The following SLC35F1 variants were observed in gnomAD, a reference collection of about 807,000 sequenced individuals.
SLC35F1 encodes solute carrier family 35 member F1.
Under a neutral mutation model 48.7 loss-of-function variants are expected in SLC35F1, and 14 were observed. The observed-to-expected ratio is 0.29, with a 90% CI of 0.19 to 0.45. SLC35F1 has a LOEUF of 0.45. Ranked by LOEUF, SLC35F1 falls within the 20% of genes least tolerant of loss-of-function variation. The pLI is 1.00. For synonymous variants in SLC35F1, 190 were observed against 202.2 expected, an observed-to-expected ratio of 0.94 and a Z score of 0.51; for missense variants, 404 against 500.0, an observed-to-expected ratio of 0.81 and a Z score of 1.83.
At position 117,953,628 on chromosome 6, in the gene SLC35F1, C is replaced by T. The variant is rs75270116; in HGVS notation, c.173+45729C>T. 1.2e-4 allele frequency among the ~76,000 whole-genome samples: 19 copies of T among 152,264 alleles called. No homozygotes were observed. The East Asian group carries it at 3.7e-3, about 29-fold the overall frequency. Reference sequence around the variant, plus strand: ...TCACCCAGTGTAAAAGTTGTTGTTTCCCATCTGTGGGTCAGCCAGGGACCA... The same window carrying T: ...TCACCCAGTGTAAAAGTTGTTGTTTTCCATCTGTGGGTCAGCCAGGGACCA... On this transcript the variant is annotated intron_variant, in intron 1 of 7. Coordinates refer to ENST00000360388, the MANE Select transcript of SLC35F1 (RefSeq NM_001029858.4).
chr6:117,921,545 A>G (rs1232109760), intron 1 of SLC35F1, among the ~76,000 whole-genome samples: 2 of 152,106 alleles, frequency 1.3e-5, no homozygotes, highest in Non-Finnish European at 2.9e-5. Flanking sequence ...CTTCCCATCT[A>G]TTTCCTGCCC....
rs566897352 is a variant in SLC35F1 at position 118,255,487 on chromosome 6, C to T, written c.478-11508C>T. On this transcript the variant is annotated intron_variant, in intron 3 of 7. Coordinates refer to ENST00000360388, the MANE Select transcript of SLC35F1 (RefSeq NM_001029858.4). ...TCTGCTCTCACCGAAGGCAGATTTCCCCGCAACTGAGCTAGAGAGCTTGTG... is the reference window on the plus strand; with the variant it reads ...TCTGCTCTCACCGAAGGCAGATTTCTCCGCAACTGAGCTAGAGAGCTTGTG... Among the ~76,000 whole-genome samples, 6 of 152,276 alleles carry T rather than the reference C, an allele frequency of 3.9e-5. No individual in the cohort carries two copies. In the East Asian group the frequency reaches 1.2e-3, roughly 29 times the overall value.
intron 3 of SLC35F1, among the ~76,000 whole-genome samples, chr6:118,251,294 G>A (rs1775571640): frequency 6.6e-6 from 1 of 152,040 alleles, no homozygotes; most frequent in Admixed American, 6.6e-5. Context: ...CTTCAGCATT[G>A]AGTTTGTGGT....
At chr6:118,010,961 G>A (rs1204708156) in intron 1 of SLC35F1, among the ~76,000 whole-genome samples, 1 of 152,144 alleles carries the variant, frequency 6.6e-6, no homozygotes, top group African/African-American at 2.4e-5. Flanking sequence ...GGGAACATTT[G>A]GCAATATTTG....
At chr6:117,954,609 T>G (rs2114830123) in intron 1 of SLC35F1, among the ~76,000 whole-genome samples, 1 of 152,330 alleles carries the variant, frequency 6.6e-6, no homozygotes, top group Non-Finnish European at 1.5e-5. Context: ...AATCTAGACC[T>G]ACAGAATTAA....
In SLC35F1 at chr6:118,275,566, T is replaced by C; in HGVS notation, c.745T>C (p.Phe249Leu). 6.2e-7 allele frequency: 1 copy of C among 1,613,940 alleles called. No homozygotes were observed. Among genetic ancestry groups the C allele is most frequent in the East Asian group, 2.2e-5 (1 of 44,828 alleles). The change falls in exon 5 of 8, where the codon TTC becomes CTC. Residue 249 changes from phenylalanine (F) to leucine (L), a missense_variant. Transcript: ENST00000360388. ...YIIRTLSRVE[F>L]LGMIGLFGAF... ...CATCCGAACTCTGAGCCGAGTGGAATTCCTGGGAATGATTGGTCTCTTTGG... is the reference window on the plus strand; with the variant it reads ...CATCCGAACTCTGAGCCGAGTGGAACTCCTGGGAATGATTGGTCTCTTTGG...
At chr6:118,083,176 G>A (rs1772937523) in intron 1 of SLC35F1, among the ~76,000 whole-genome samples, 1 of 152,184 alleles carries the variant, frequency 6.6e-6, no homozygotes, top group Non-Finnish European at 1.5e-5. Context: ...TTATCTGGCT[G>A]TGTGTTTCTA....
chr6:117,993,363 C>T (rs1004286647), intron 1 of SLC35F1, among the ~76,000 whole-genome samples: 1 of 152,098 alleles, frequency 6.6e-6, no homozygotes, highest in African/African-American at 2.4e-5. Context: ...AAATTATAGT[C>T]ATTCCTTTAG....
intron 7 of SLC35F1, among the ~76,000 whole-genome samples, chr6:118,299,942 T>C (rs907500756): frequency 6.6e-6 from 1 of 152,152 alleles, no homozygotes; most frequent in Non-Finnish European, 1.5e-5. Context: ...TAATAGTACT[T>C]CTCTCATTAA....
chr6:118,014,417 G>A (rs1311324568), intron 1 of SLC35F1, among the ~76,000 whole-genome samples: 1 of 152,122 alleles, frequency 6.6e-6, no homozygotes, highest in East Asian at 1.9e-4. Flanking sequence ...AATCCACAAA[G>A]GATGCTAGGA....
Position 117,939,426 on chromosome 6 carries a change from G to A in SLC35F1, c.173+31527G>A, listed in dbSNP as rs2763008. Among the ~76,000 whole-genome samples, 871 of 152,246 alleles carry A rather than the reference G, an allele frequency of 5.7e-3. 8 individuals carry two copies. Among genetic ancestry groups the A allele is most frequent in the African/African-American group, 0.02 (810 of 41,532 alleles). ...AGTTTTGCATTTATTTATTTTCCTC[G>A]GGTTCTTGCCCTTCCTCTGATACTT... On this transcript the variant is annotated intron_variant, in intron 1 of 7. Coordinates refer to ENST00000360388, the MANE Select transcript of SLC35F1 (RefSeq NM_001029858.4).
At position 117,999,477 on chromosome 6, in the gene SLC35F1, A is replaced by T. The variant is rs1777054549; in HGVS notation, c.173+91578A>T. On this transcript the variant is annotated intron_variant, in intron 1 of 7. Transcript: ENST00000360388. ...TCTCTGCCAACATGAGGACAGAAGG[A>T]CTGGTGCGACCCCCCACCCCCACCC... The T allele has an allele frequency of 2.0e-6, 3 of 1,517,324 alleles. No individual in the cohort carries two copies. The South Asian group carries it at 3.7e-5, about 18-fold the overall frequency. The allele number at this position is 1,517,324 out of a possible 1,614,324, so 94.0% of individuals were successfully genotyped here.
intron 1 of SLC35F1, among the ~76,000 whole-genome samples, chr6:118,152,134 G>A (rs896134020): frequency 5.9e-5 from 9 of 152,310 alleles, no homozygotes; most frequent in Non-Finnish European, 1.2e-4. Flanking sequence ...CTCAAAGGGA[G>A]TGACATAGAA....
intron 1 of SLC35F1, among the ~76,000 whole-genome samples, chr6:117,916,613 C>T (rs1775829198): frequency 6.6e-6 from 1 of 152,212 alleles, no homozygotes; most frequent in African/African-American, 2.4e-5. Context: ...GCTGGGGCAC[C>T]TTGCCTGAAA....
intron 2 of SLC35F1, among the ~76,000 whole-genome samples, chr6:118,184,885 C>T (rs1156545581): frequency 1.3e-5 from 2 of 152,126 alleles, no homozygotes; most frequent in African/African-American, 4.8e-5. Flanking sequence ...GGCCATGATT[C>T]CAAAATCTTT....
At chr6:118,047,862 A>T (rs12192479) in intron 1 of SLC35F1, among the ~76,000 whole-genome samples, 37,234 of 151,692 alleles carry the variant, frequency 0.25, 4,681 homozygotes, top group East Asian at 0.35. Flanking sequence ...TCCTAATTGA[A>T]TACCCTTTAT....
At chr6:118,139,917 T>A (rs547966116) in intron 1 of SLC35F1, among the ~76,000 whole-genome samples, 1 of 152,198 alleles carries the variant, frequency 6.6e-6, no homozygotes, top group Non-Finnish European at 1.5e-5. Context: ...CTAGAAAATA[T>A]ACTTTAGCAC....
chr6:117,943,559 A>G (rs895461706), intron 1 of SLC35F1, among the ~76,000 whole-genome samples: 16 of 152,250 alleles, frequency 1.1e-4, no homozygotes, highest in African/African-American at 3.9e-4. Context: ...CTTTAAGAAT[A>G]CATCAGTAGG....
At chr6:118,263,346 G>A (rs932397724) in intron 3 of SLC35F1, among the ~76,000 whole-genome samples, 4 of 152,148 alleles carry the variant, frequency 2.6e-5, no homozygotes, top group African/African-American at 9.7e-5. Flanking sequence ...GTGAGCCACT[G>A]TGCCCGGCCG....
Sources: allele counts gnomAD v4.1 joint callset (sites outside exome capture counted in the v4.1 genomes callset), GRCh38; gene constraint gnomAD v4.1.1; transcripts MANE v1.5; gene names NCBI Gene and HGNC (gene_info 2026-07-23, HGNC 2026-07-21).